The following NCOR2 variants were observed in gnomAD, a reference collection of about 807,000 sequenced individuals.
NCOR2 encodes the protein nuclear receptor corepressor 2.
In NCOR2, 81 loss-of-function variants were observed where a neutral mutation model predicts 262.9. The observed-to-expected ratio is 0.31, with a 90% CI of 0.26 to 0.37. NCOR2 has a LOEUF of 0.37. NCOR2 is among the 10% of genes least tolerant of loss of function. The pLI is 1.00. For synonymous variants in NCOR2, 1,659 were observed against 1,559.3 expected (o/e 1.06, Z -1.51); for missense variants, 3,385 against 3,621.4 (o/e 0.93, Z 1.68).
At chr12:124,354,642 TC>T in intron 25 of NCOR2, 60 bp from the exon 28 acceptor site, 2 of 1,433,908 alleles carry the variant, frequency 1.4e-6, no homozygotes. Context: ...GGGAGGCTTG[TC>T]CCCACCCAAC....
chr12:124,442,470 T>C (rs975246476), intron 7 of NCOR2, among the ~76,000 whole-genome samples: 1 of 152,222 alleles, frequency 6.6e-6, no homozygotes, highest in Admixed American at 6.5e-5. Flanking sequence ...TCTGCTGTTA[T>C]ATAAGCTGTC....
chr12:124,348,148 A>C, intron 29 of NCOR2, 26 bp downstream of exon 31: 1 of 1,606,876 alleles, frequency 6.2e-7, no homozygotes, highest in Non-Finnish European at 8.5e-7. Context: ...GGGCACCGAG[A>C]GATGAAGTCT....
At chr12:124,336,956 G>A in exon 38 of NCOR2, 1 of 1,534,610 alleles carries the variant, frequency 6.5e-7, no homozygotes, top group Non-Finnish European at 8.7e-7. Context: ...CTTGCTGGGG[G>A]AGGAGGCGGG....
intron 1 of NCOR2, among the ~76,000 whole-genome samples, chr12:124,534,365 G>A (rs1226274774): frequency 6.6e-6 from 1 of 151,960 alleles, no homozygotes; most frequent in Non-Finnish European, 1.5e-5. Flanking sequence ...GCTGAGGCAG[G>A]AGAATAGCTT....
In NCOR2 at chr12:124,388,941, G is replaced by A; in HGVS notation, c.1877-3054C>T. 2 of 753,568 alleles carry A rather than the reference G, an allele frequency of 2.7e-6. 1 individual carries two copies. Among genetic ancestry groups the A allele is most frequent in the South Asian group, 3.8e-5 (2 of 52,770 alleles). The allele number at this position is 753,568 out of a possible 1,614,324, so 46.7% of individuals were successfully genotyped here. A position where few individuals can be genotyped will look rare whatever the true frequency, so the allele number is the denominator to read the frequency against. On this transcript the variant is annotated intron_variant, in intron 16 of 46. Transcript: ENST00000405201. Reference sequence around the variant, plus strand: ...GCGGGCGGAGGCTGGCTCGAGAGGGGCGGGCGGGAGGCAGCTCCTCACAAG... The same window carrying A: ...GCGGGCGGAGGCTGGCTCGAGAGGGACGGGCGGGAGGCAGCTCCTCACAAG...
At chr12:124,516,067 C>T (rs544380564) in intron 1 of NCOR2, among the ~76,000 whole-genome samples, 3 of 152,354 alleles carry the variant, frequency 2.0e-5, no homozygotes, top group East Asian at 1.9e-4. Flanking sequence ...AGAACCCCCC[C>T]GCCTTCGGAG....
intron 7 of NCOR2, among the ~76,000 whole-genome samples, chr12:124,448,147 A>T (rs1441090694): frequency 6.6e-6 from 1 of 152,232 alleles, no homozygotes; most frequent in Non-Finnish European, 1.5e-5. Context: ...TAAAGATGGG[A>T]TGAATGAATG....
intron 1 of NCOR2, among the ~76,000 whole-genome samples, chr12:124,552,448 C>T (rs1282136745): frequency 6.6e-6 from 1 of 152,232 alleles, no homozygotes; most frequent in Non-Finnish European, 1.5e-5. Flanking sequence ...TCTCTCTTCA[C>T]TCTGTGCTCT....
At chr12:124,564,226 G>T (rs1594083888) in intron 1 of NCOR2, among the ~76,000 whole-genome samples, 1 of 152,158 alleles carries the variant, frequency 6.6e-6, no homozygotes, top group Non-Finnish European at 1.5e-5. Context: ...TGCCCAGCTG[G>T]CCTTTCCCAA....
chr12:124,352,407 T>C (rs2037565816), intron 27 of NCOR2, among the ~76,000 whole-genome samples: 1 of 147,502 alleles, frequency 6.8e-6, no homozygotes. Context: ...GGGGTCTTGC[T>C]GTATTGCCCA....
At position 124,335,126 on chromosome 12, in the gene NCOR2, C is replaced by T. The variant is rs181446380; in HGVS notation, c.6411+9G>A. 1.4e-5 allele frequency: 22 copies of T among 1,612,336 alleles called. No homozygotes were observed. The highest frequency in any genetic ancestry group is 1.8e-4 in the Middle Eastern group (1 of 5,642). On this transcript the variant is annotated intron_variant, in intron 40 of 46. Transcript: ENST00000405201. ...AGGTGACAAGCAGCAGCAGAGAACG[C>T]GTAGTTACACTGATGTGCTGGGCCA... is the stretch of plus-strand genomic sequence containing the variant.
chr12:124,384,544 C>A (rs986680881), intron 17 of NCOR2, among the ~76,000 whole-genome samples: 2 of 152,294 alleles, frequency 1.3e-5, no homozygotes, highest in Middle Eastern at 3.4e-3. Context: ...GAGCCACCAG[C>A]GGCCGCGCGC....
chr12:124,347,973 A>G (rs1593156831), intron 29 of NCOR2, 62 bp from the exon 32 acceptor site: 2 of 1,518,656 alleles, frequency 1.3e-6, no homozygotes, highest in Non-Finnish European at 1.8e-6. Context: ...GGGCAGTGAC[A>G]GGGGTCAGTG....
chr12:124,428,457 C>T lies in NCOR2; in HGVS notation c.1149+1156G>A, dbSNP rs192207891. 1.6e-4 allele frequency among the ~76,000 whole-genome samples: 25 copies of T among 152,298 alleles called. No individual in the cohort carries two copies. The East Asian group carries it at 3.5e-3, about 21-fold the overall frequency. The stretch of plus-strand genomic sequence containing the variant: ...TCAAGTGGGTGGCTGGGTAAAAATG[C>T]GGATTCCTGGGCTCTGCCCCAGACC... On this transcript the variant is annotated intron_variant, in intron 10 of 46. Coordinates refer to ENST00000405201, the Ensembl canonical transcript of NCOR2.
At chr12:124,337,279 C>T (rs2035975172) in intron 37 of NCOR2, 99 bp from the exon 40 acceptor site, 5 of 1,362,444 alleles carry the variant, frequency 3.7e-6, no homozygotes, top group Non-Finnish European at 3.1e-6. Flanking sequence ...ATCCACATCC[C>T]CTGCTGCTCC....
intron 20 of NCOR2, among the ~76,000 whole-genome samples, chr12:124,367,993 G>C (rs1241954909): frequency 2.0e-5 from 3 of 152,248 alleles, no homozygotes; most frequent in Non-Finnish European, 4.4e-5. Context: ...CGGCCTGGGT[G>C]GGGCGGGGAC....
chr12:124,443,370 G>A lies in NCOR2; in HGVS notation c.816-5374C>T, dbSNP rs1310328306. 3.9e-5 allele frequency among the ~76,000 whole-genome samples: 6 copies of A among 152,160 alleles called. No homozygotes were observed. Among genetic ancestry groups the A allele is most frequent in the South Asian group, 4.1e-4 (2 of 4,834 alleles). Reference sequence around the variant, plus strand: ...CTGCCTGCCACCCAGAGACATCCACGTACCACGCAAGAGGACACGTCAAGT... The same window carrying A: ...CTGCCTGCCACCCAGAGACATCCACATACCACGCAAGAGGACACGTCAAGT... On this transcript the variant is annotated intron_variant, in intron 7 of 46. Coordinates refer to ENST00000405201, the Ensembl canonical transcript of NCOR2. This position sits in a 1 kb window ranked among gnomAD's most constrained non-coding sequence, Gnocchi z 4.4.
At chr12:124,507,848 G>A (rs776429840) in intron 1 of NCOR2, among the ~76,000 whole-genome samples, 49 of 152,278 alleles carry the variant, frequency 3.2e-4, no homozygotes, top group South Asian at 6.2e-4. Context: ...GGTTCCCACC[G>A]ACTTCCCTGC....
rs1425780891 is a variant in NCOR2, at chr12:124,428,049, G to GTA, written c.1150-1250_1150-1249insTA. On this transcript the variant is annotated intron_variant, in intron 10 of 46. Transcript: ENST00000405201. ...GACTGCATTCCCATGTGGCCAGTGTGTGTGTGTGTGTGTGTGTGTGTGTGT... is the reference window on the plus strand; with the variant it reads ...GACTGCATTCCCATGTGGCCAGTGTGTATGTGTGTGTGTGTGTGTGTGTGTGT... Among the ~76,000 whole-genome samples the GTA allele has an allele frequency of 6.0e-5, 6 of 100,790 alleles. 1 individual carries two copies. Among genetic ancestry groups the GTA allele is most frequent in the Admixed American group, 5.3e-4 (5 of 9,458 alleles). The allele number at this position is 100,790 out of a possible 152,430, so 66.1% of individuals were successfully genotyped here. A position where few individuals can be genotyped will look rare whatever the true frequency, so the allele number is the denominator to read the frequency against.
Sources: gnomAD v4.1 joint callset for allele counts (sites outside exome capture counted in the v4.1 genomes callset) on GRCh38, gnomAD v4.1.1 for gene constraint, Gnocchi (gnomAD v3.1) non-coding constraint, MANE v1.5 for transcripts, NCBI Gene and HGNC (gene_info 2026-07-23, HGNC 2026-07-21) for gene names.